Variants in MNS1 observed in about 807,000 individuals in gnomAD.
MNS1 encodes meiosis specific nuclear structural 1.
In MNS1, 63 loss-of-function variants were observed where a neutral mutation model predicts 72.0. The observed-to-expected ratio is 0.87, with a 90% CI of 0.71 to 1.08. MNS1 has a LOEUF of 1.08. Ranked by LOEUF, MNS1 falls within the 50% of genes least tolerant of loss-of-function variation. The pLI is 0.00. For synonymous variants in MNS1, 188 were observed against 172.1 expected, an observed-to-expected ratio of 1.09 and a Z score of -0.72; for missense variants, 604 against 562.4, an observed-to-expected ratio of 1.07 and a Z score of -0.75.
At chr15:56,463,005 T>G (rs2051032925) in intron 2 of MNS1, among the ~76,000 whole-genome samples, 1 of 151,588 alleles carries the variant, frequency 6.6e-6, no homozygotes, top group African/African-American at 2.4e-5. Flanking sequence ...CACAGAAGGG[T>G]GGATATCATT....
At chr15:56,448,450 A>G (rs1298459308) in intron 3 of MNS1, among the ~76,000 whole-genome samples, 3 of 151,864 alleles carry the variant, frequency 2.0e-5, no homozygotes, top group Middle Eastern at 6.8e-3. Flanking sequence ...TGTGTACTCA[A>G]TGTTTAGCTC....
At chr15:56,460,977 C>T (rs986194489) in intron 2 of MNS1, among the ~76,000 whole-genome samples, 1 of 152,022 alleles carries the variant, frequency 6.6e-6, no homozygotes, top group African/African-American at 2.4e-5. Context: ...AGCCTGAGAA[C>T]CAGCAGGCTC....
intron 3 of MNS1, among the ~76,000 whole-genome samples, chr15:56,455,126 CT>C (rs1446755586): frequency 6.6e-6 from 1 of 151,604 alleles, no homozygotes; most frequent in Non-Finnish European, 1.5e-5. Flanking sequence ...TTTTCCTAGA[CT>C]TTTTCTCAGG....
chr15:56,464,073 A>G lies in MNS1; in HGVS notation c.178T>C (p.Leu60=), dbSNP rs1222263987. ...RVQRKQFLRL[L]QNEQFELDME... ...TCCAACTCAAATTGTTCATTTTGTA[A>G]TAATCTGAGAAATTGCTTGCGCTGA... is the stretch of plus-strand genomic sequence containing the variant. Residue 60 remains leucine, a synonymous_variant, in exon 2 of 10, where the codon TTA becomes CTA. Transcript: ENST00000260453. The G allele has an allele frequency of 6.2e-7, 1 of 1,613,864 alleles. No homozygotes were observed. Among genetic ancestry groups the G allele is most frequent in the Admixed American group, 1.7e-5 (1 of 59,980 alleles).
chr15:56,455,258 A>C (rs1412503716), intron 3 of MNS1, among the ~76,000 whole-genome samples: 14 of 151,482 alleles, frequency 9.2e-5, no homozygotes, highest in Non-Finnish European at 1.8e-4. Context: ...AAAAAAAAAA[A>C]AAAAAAAAAA....
intron 8 of MNS1, among the ~76,000 whole-genome samples, chr15:56,433,337 T>C (rs1273639487): frequency 1.3e-5 from 2 of 151,890 alleles, no homozygotes; most frequent in Non-Finnish European, 2.9e-5. Context: ...AGATGACGGG[T>C]TGATAGGTGC....
intron 2 of MNS1, among the ~76,000 whole-genome samples, chr15:56,457,098 T>C (rs2050986410): frequency 6.6e-6 from 1 of 152,184 alleles, no homozygotes; most frequent in African/African-American, 2.4e-5. Context: ...ATTATTTTTC[T>C]TAAGTCTCTT....
chr15:56,459,822 C>A (rs558265275), intron 2 of MNS1, among the ~76,000 whole-genome samples: 1 of 149,860 alleles, frequency 6.7e-6, no homozygotes, highest in South Asian at 2.1e-4. Context: ...GAAACCCCAT[C>A]CCTACTAAAA....
At chr15:56,433,120 T>C (rs1261300212) in intron 8 of MNS1, among the ~76,000 whole-genome samples, 6 of 152,058 alleles carry the variant, frequency 3.9e-5, no homozygotes, top group African/African-American at 9.7e-5. Context: ...GTGGACAAAA[T>C]AGAATTATTT....
chr15:56,441,774 G>C (rs533668302), intron 7 of MNS1, among the ~76,000 whole-genome samples: 2 of 152,254 alleles, frequency 1.3e-5, no homozygotes, highest in Admixed American at 1.3e-4. Flanking sequence ...CAGCACTTTG[G>C]GAGGCCAAGG....
intron 2 of MNS1, among the ~76,000 whole-genome samples, chr15:56,458,933 C>T (rs1289790434): frequency 6.6e-6 from 1 of 152,230 alleles, no homozygotes; most frequent in Middle Eastern, 3.4e-3. Context: ...GCTATGGCAG[C>T]TATAAAGCTG....
chr15:56,444,328 TATTG>T, intron 5 of MNS1, 112 bp downstream of exon 5: 1 of 776,280 alleles, frequency 1.3e-6, no homozygotes. Flanking sequence ...AGCTAGTATT[TATTG>T]AGCACTTACT....
chr15:56,465,116 C>A lies in MNS1; in HGVS notation c.-144G>T. 1 of 1,103,212 alleles carries A rather than the reference C, an allele frequency of 9.1e-7. No homozygotes were observed. Among genetic ancestry groups the A allele is most frequent in the Non-Finnish European group, 1.3e-6 (1 of 764,804 alleles). The allele number at this position is 1,103,212 out of a possible 1,614,324, so 68.3% of individuals were successfully genotyped here. A position where few individuals can be genotyped will look rare whatever the true frequency, so the allele number is the denominator to read the frequency against. Reference sequence around the variant, plus strand: ...GCGTCTTGGCAACGGTGGAGCTGCGCGCCCTCCGCTCGACCAAAAGTGACC... The same window carrying A: ...GCGTCTTGGCAACGGTGGAGCTGCGAGCCCTCCGCTCGACCAAAAGTGACC... On this transcript the variant is annotated 5_prime_UTR_variant, in exon 1 of 10. Transcript: ENST00000260453.
rs2051042491 is a variant in MNS1 at position 56,464,173 on chromosome 15, T to A, written c.78A>T (p.Leu26Phe). Reference sequence around the variant, plus strand: ...TGACGTTTTTTAGAGCTTGGACATGTAATTTTTTGCAGTAGTTTTCATCTA... The same window carrying A: ...TGACGTTTTTTAGAGCTTGGACATGAAATTTTTTGCAGTAGTTTTCATCTA... Reference protein sequence around the residue: ...KLVDENYCKKLHVQALKNVNS... With the variant: ...KLVDENYCKKFHVQALKNVNS... Residue 26 changes from leucine to phenylalanine, a missense_variant, in exon 2 of 10, where the codon TTA becomes TTT. Transcript: ENST00000260453. The A allele has an allele frequency of 6.2e-7, 1 of 1,614,124 alleles. No individual in the cohort carries two copies. Among genetic ancestry groups the A allele is most frequent in the Non-Finnish European group, 8.5e-7 (1 of 1,180,018 alleles).
chr15:56,437,362 A>C (rs2140339765), intron 7 of MNS1, among the ~76,000 whole-genome samples: 1 of 152,314 alleles, frequency 6.6e-6, no homozygotes, highest in Non-Finnish European at 1.5e-5. Flanking sequence ...CAATGACAAA[A>C]AACACATGAT....
At chr15:56,434,906 A>G (rs750930533) in intron 7 of MNS1, among the ~76,000 whole-genome samples, 25 of 152,146 alleles carry the variant, frequency 1.6e-4, no homozygotes, top group Non-Finnish European at 2.9e-4. Context: ...TCTAGCAATG[A>G]CAATCAGTAC....
Position 56,434,214 on chromosome 15 carries a change from C to G in MNS1, c.1193G>C (p.Arg398Thr). 7 of 1,613,918 alleles carry G rather than the reference C, an allele frequency of 4.3e-6. No individual in the cohort carries two copies. Among genetic ancestry groups the G allele is most frequent in the Non-Finnish European group, 5.1e-6 (6 of 1,179,886 alleles). ...CCTCCTGTGTTCCAGCTGCTTCATT[C>G]TTTGTTTCTGAGCATTCATTAATTC... The part of the protein sequence containing the change: ...RIELMNAQKQ[R>T]MKQLEHRRAV... The change falls in exon 8 of 10, where the codon AGA becomes ACA. Residue 398 changes from arginine to threonine, a missense_variant. By Grantham distance (71) the Arg-to-Thr change is moderately conservative. Coordinates refer to ENST00000260453, the MANE Select transcript of MNS1 (RefSeq NM_018365.4).
intron 4 of MNS1, among the ~76,000 whole-genome samples, chr15:56,445,285 A>G (rs929306547): frequency 1.3e-5 from 2 of 152,022 alleles, no homozygotes; most frequent in Non-Finnish European, 2.9e-5. Context: ...TCCCATTGTC[A>G]AGAGACAATC....
intron 7 of MNS1, among the ~76,000 whole-genome samples, chr15:56,440,813 C>T (rs1289515604): frequency 6.6e-6 from 1 of 152,116 alleles, no homozygotes; most frequent in African/African-American, 2.4e-5. Flanking sequence ...CATGATCAGT[C>T]TGTCATTCTT....
Sources: gnomAD v4.1 joint callset for allele counts (sites outside exome capture counted in the v4.1 genomes callset) on GRCh38, gnomAD v4.1.1 for gene constraint, MANE v1.5 for transcripts, NCBI Gene and HGNC (gene_info 2026-07-23, HGNC 2026-07-21) for gene names.